LHFPL3: variants seen among roughly 807,000 people sequenced by gnomAD.
LHFPL3 encodes the protein LHFPL tetraspan subfamily member 3 protein.
In LHFPL3, 5 loss-of-function variants were observed where a neutral mutation model predicts 19.3. That is an observed-to-expected ratio of 0.26 (90% CI 0.14 to 0.54). LHFPL3 has a LOEUF of 0.54. LHFPL3 is among the 20% of genes least tolerant of loss of function. The pLI, the probability that LHFPL3 is intolerant of heterozygous loss-of-function variation, is 0.94. For missense variants in LHFPL3, 249 were observed against 307.4 expected, an observed-to-expected ratio of 0.81 and a Z score of 1.42; for synonymous variants, 133 against 126.2, an observed-to-expected ratio of 1.05 and a Z score of -0.36.
At chr7:104,337,186 C>CA (rs1562868008) in intron 1 of LHFPL3, among the ~76,000 whole-genome samples, 2 of 151,634 alleles carry the variant, frequency 1.3e-5, no homozygotes, top group Non-Finnish European at 2.9e-5. Flanking sequence ...AACAAACAAA[C>CA]AACAACAACA....
intron 2 of LHFPL3, among the ~76,000 whole-genome samples, chr7:104,850,972 T>C (rs1791405620): frequency 6.6e-6 from 1 of 152,192 alleles, no homozygotes; most frequent in Admixed American, 6.5e-5. Context: ...ACTTCTGATG[T>C]GGGAGACCCA....
intron 1 of LHFPL3, among the ~76,000 whole-genome samples, chr7:104,713,902 T>C (rs1793339444): frequency 6.6e-6 from 1 of 152,166 alleles, no homozygotes; most frequent in Non-Finnish European, 1.5e-5. Context: ...TCAGGCTCCC[T>C]GCTCAGTTTC....
chr7:104,471,484 G>A (rs1562907919), intron 1 of LHFPL3, among the ~76,000 whole-genome samples: 2 of 152,244 alleles, frequency 1.3e-5, no homozygotes, highest in South Asian at 4.2e-4. Context: ...TTACTCTCAT[G>A]TTACACATGA....
intron 1 of LHFPL3, among the ~76,000 whole-genome samples, chr7:104,570,862 G>C (rs969885097): frequency 1.3e-5 from 2 of 152,090 alleles, no homozygotes. Flanking sequence ...GCTCTATGCT[G>C]CTTTCTTATG....
chr7:104,771,821 T>C (rs1584525754), intron 2 of LHFPL3, among the ~76,000 whole-genome samples: 2 of 77,172 alleles, frequency 2.6e-5, no homozygotes, highest in East Asian at 7.2e-4. Context: ...CCTCTCTTTT[T>C]TTTTTTTTTT....
At chr7:104,363,578 G>C (rs906734964) in intron 1 of LHFPL3, among the ~76,000 whole-genome samples, 13 of 152,192 alleles carry the variant, frequency 8.5e-5, no homozygotes, top group African/African-American at 3.1e-4. Context: ...CTGGCTCTAG[G>C]CTGAGACAGG....
chr7:104,451,479 G>T (rs773621899), intron 1 of LHFPL3, among the ~76,000 whole-genome samples: 3 of 152,108 alleles, frequency 2.0e-5, no homozygotes, highest in Non-Finnish European at 2.9e-5. Flanking sequence ...TTTGTCTTCT[G>T]CAATAGCGTT....
intron 1 of LHFPL3, among the ~76,000 whole-genome samples, chr7:104,654,621 C>G (rs763108171): frequency 1.3e-5 from 2 of 152,192 alleles, no homozygotes; most frequent in Non-Finnish European, 2.9e-5. Context: ...TTGCAACCTT[C>G]TGAGTGAGGT....
chr7:104,430,411 T>TATATATAC (rs1562895171), intron 1 of LHFPL3, among the ~76,000 whole-genome samples: 1 of 29,468 alleles, frequency 3.4e-5, no homozygotes, highest in African/African-American at 2.3e-4. Context: ...TATACATATA[T>TATATATAC]ATATATACAT....
chr7:104,762,668 G>A (rs1379671188), intron 2 of LHFPL3, among the ~76,000 whole-genome samples: 1 of 152,186 alleles, frequency 6.6e-6, no homozygotes, highest in Non-Finnish European at 1.5e-5. Flanking sequence ...TGCCTGATCT[G>A]TGTGCCAGGC....
intron 2 of LHFPL3, among the ~76,000 whole-genome samples, chr7:104,842,695 T>C (rs987106175): frequency 6.6e-6 from 1 of 152,358 alleles, no homozygotes; most frequent in South Asian, 2.1e-4. Flanking sequence ...CAAAGCAAGA[T>C]AATGACTTAT....
chr7:104,418,436 G>A (rs1791666830), intron 1 of LHFPL3, among the ~76,000 whole-genome samples: 1 of 152,104 alleles, frequency 6.6e-6, no homozygotes, highest in East Asian at 1.9e-4. Context: ...GGAGGCTGAG[G>A]CAGGAGGAAC....
chr7:104,497,627 A>T (rs1222381584), intron 1 of LHFPL3, among the ~76,000 whole-genome samples: 6 of 101,296 alleles, frequency 5.9e-5, no homozygotes, highest in African/African-American at 2.1e-4. Context: ...CACACCAATT[A>T]AAAAAAAAAA....
chr7:104,426,811 T>C (rs577172397), intron 1 of LHFPL3, among the ~76,000 whole-genome samples: 170 of 152,342 alleles, frequency 1.1e-3, no homozygotes, highest in African/African-American at 3.8e-3. Context: ...TTTTGATGTA[T>C]GTCTTAGGAT....
intron 1 of LHFPL3, among the ~76,000 whole-genome samples, chr7:104,437,604 A>T (rs1021537833): frequency 6.6e-6 from 1 of 152,190 alleles, no homozygotes; most frequent in Admixed American, 6.5e-5. Context: ...AAAAGTTCCT[A>T]CAAACCCCTT....
chr7:104,480,514 A>G (rs1793113784), intron 1 of LHFPL3, among the ~76,000 whole-genome samples: 1 of 152,236 alleles, frequency 6.6e-6, no homozygotes, highest in Admixed American at 6.5e-5. Flanking sequence ...GGTGTGGAAT[A>G]TTCTCAGAAT....
intron 2 of LHFPL3, among the ~76,000 whole-genome samples, chr7:104,899,612 C>T (rs773918894): frequency 6.6e-6 from 1 of 152,142 alleles, no homozygotes; most frequent in South Asian, 2.1e-4. Context: ...TGACAATGAA[C>T]AGAGATGAAT....
rs187616305 is a variant in LHFPL3, at chr7:104,608,603, A to T, written c.446-128072A>T. Among the ~76,000 whole-genome samples, 606 of 152,086 alleles carry T rather than the reference A, an allele frequency of 4.0e-3. 34 individuals are homozygous for T. The East Asian group carries it at 0.098, about 25-fold the overall frequency. Reference sequence around the variant, plus strand: ...ATGGCACATGTATACATATGTAACAAACCTGCACATTGTGCACATGTACCC... The same window carrying T: ...ATGGCACATGTATACATATGTAACATACCTGCACATTGTGCACATGTACCC... On this transcript the variant is annotated intron_variant, in intron 1 of 2. Transcript: ENST00000424859.
intron 2 of LHFPL3, among the ~76,000 whole-genome samples, chr7:104,801,347 C>T (rs1488694784): frequency 6.6e-6 from 1 of 152,132 alleles, no homozygotes; most frequent in African/African-American, 2.4e-5. Flanking sequence ...AGGCCCTTCC[C>T]ATCACGGTGA....
Sources: gnomAD v4.1 joint callset for allele counts (sites outside exome capture counted in the v4.1 genomes callset) on GRCh38, gnomAD v4.1.1 for gene constraint, MANE v1.5 for transcripts, NCBI Gene and HGNC (gene_info 2026-07-23, HGNC 2026-07-21) for gene names.